The following G2E3 variants were observed in gnomAD, a reference collection of about 807,000 sequenced individuals.
G2E3 encodes G2/M phase-specific E3 ubiquitin-protein ligase.
A neutral mutation model predicts 92.8 loss-of-function variants in G2E3; 35 were observed. That is an observed-to-expected ratio of 0.38 (90% CI 0.29 to 0.50). The LOEUF (loss-of-function observed/expected upper bound fraction) is 0.50. Ranked by LOEUF, G2E3 falls within the 20% of genes least tolerant of loss-of-function variation. The pLI is 0.94. For synonymous variants in G2E3, 242 were observed against 272.4 expected (o/e 0.89, Z 1.10); for missense variants, 554 against 823.8 (o/e 0.67, Z 4.01).
At chr14:30,591,435 A>AT (rs2138849852) in intron 4 of G2E3, among the ~76,000 whole-genome samples, 1 of 152,316 alleles carries the variant, frequency 6.6e-6, no homozygotes, top group African/African-American at 2.4e-5. Context: ...TAGGGCTGCC[A>AT]TAGCAAATTG....
chr14:30,574,168 G>A (rs1470243455), intron 1 of G2E3, among the ~76,000 whole-genome samples: 9 of 152,054 alleles, frequency 5.9e-5, no homozygotes, highest in Admixed American at 2.6e-4. Context: ...TTGGAGAGTA[G>A]GTTGCATATA....
rs529230723 is a variant in G2E3 at position 30,569,741 on chromosome 14, A to AGG, written c.-5+10476_-5+10477dup. ...AGTCAGGGTTAGGACCAGCTGGTGA[A>AGG]GGGGGGGGATTATATTACTTACTAT... is the stretch of plus-strand genomic sequence containing the variant. On this transcript the variant is annotated intron_variant, in intron 1 of 14. Transcript: ENST00000206595. Among the ~76,000 whole-genome samples the AGG allele has an allele frequency of 9.0e-3, 1,361 of 151,838 alleles. 22 individuals are homozygous for AGG. Among genetic ancestry groups the AGG allele is most frequent in the African/African-American group, 0.03 (1,257 of 41,378 alleles).
intron 1 of G2E3, among the ~76,000 whole-genome samples, chr14:30,568,753 C>T (rs1030578190): frequency 2.6e-5 from 4 of 152,140 alleles, no homozygotes; most frequent in African/African-American, 4.8e-5. Flanking sequence ...TACATTTATA[C>T]ATAATGTGCC....
chr14:30,604,907 C>CATTCATTT (rs1555340574), intron 10 of G2E3, among the ~76,000 whole-genome samples: 4 of 135,784 alleles, frequency 2.9e-5, no homozygotes, highest in African/African-American at 1.1e-4. Context: ...TTCATTCATT[C>CATTCATTT]ATTTATGAGA....
intron 2 of G2E3, among the ~76,000 whole-genome samples, 177 bp downstream of exon 2, chr14:30,581,293 T>A (rs1479400058): frequency 2.6e-5 from 4 of 152,196 alleles, no homozygotes; most frequent in African/African-American, 9.6e-5. Flanking sequence ...GGCAATTTAT[T>A]TGCCAAATTT....
At chr14:30,583,600 A>G (rs1566534536) in intron 2 of G2E3, among the ~76,000 whole-genome samples, 1 of 152,240 alleles carries the variant, frequency 6.6e-6, no homozygotes, top group Non-Finnish European at 1.5e-5. Flanking sequence ...GTTGTACAAC[A>G]TGGTGACTAT....
intron 2 of G2E3, 36 bp downstream of exon 2, chr14:30,581,152 G>T (rs1408129018): frequency 8.6e-7 from 1 of 1,158,960 alleles, no homozygotes; most frequent in South Asian, 1.3e-5. Flanking sequence ...TTATTACAAT[G>T]AGTGTTTTAA....
At chr14:30,614,542 C>A (rs229243) in intron 13 of G2E3, among the ~76,000 whole-genome samples, 65,392 of 152,036 alleles carry the variant, frequency 0.43, 15,188 homozygotes, top group East Asian at 0.61. Flanking sequence ...TTGTGACCTA[C>A]TCACCTCTTA....
Position 30,593,659 on chromosome 14 carries a change from A to G in G2E3, c.528+20A>G. The G allele has an allele frequency of 6.5e-7, 1 of 1,547,136 alleles. No homozygotes were observed. The highest frequency in any genetic ancestry group is 8.9e-7 in the Non-Finnish European group (1 of 1,125,680). On this transcript the variant is annotated intron_variant, in intron 6 of 14. Transcript: ENST00000206595. ...TTACAGGTAAGATACATATTTTGTA[A>G]GCTTTCTCTGATTGATATAAAATTA...
intron 8 of G2E3, among the ~76,000 whole-genome samples, chr14:30,600,328 C>T (rs879137816): frequency 6.6e-6 from 1 of 152,092 alleles, no homozygotes; most frequent in Admixed American, 6.5e-5. Context: ...GTGCTTGTTA[C>T]AATATAGTTG....
intron 2 of G2E3, among the ~76,000 whole-genome samples, chr14:30,586,505 C>T (rs745320394): frequency 5.9e-5 from 9 of 152,066 alleles, no homozygotes; most frequent in African/African-American, 9.7e-5. Context: ...TTTAACTACA[C>T]AGTGAAATTC....
chr14:30,616,319 G>A lies in G2E3; in HGVS notation c.1906G>A (p.Ala636Thr), dbSNP rs45475495. 14,224 of 1,607,384 alleles carry A rather than the reference G, an allele frequency of 8.8e-3. 75 individuals carry two copies. The highest frequency in any genetic ancestry group is 0.03 in the Middle Eastern group (183 of 6,038). Residue 636 changes from alanine to threonine, a missense_variant, in exon 15 of 15, where the codon GCA becomes ACA. Transcript: ENST00000206595. ...TTTMEDILIF[A>T]TGCSSIPPAG... ...AACAATGGAAGACATTCTTATTTTT[G>A]CAACTGGTTGCAGTTCCATTCCTCC... is the stretch of plus-strand genomic sequence containing the variant.
chr14:30,570,943 C>T (rs73258119), intron 1 of G2E3, among the ~76,000 whole-genome samples: 2,551 of 152,206 alleles, frequency 0.017, 91 homozygotes, highest in African/African-American at 0.058. Flanking sequence ...ATTCTCTTAA[C>T]AGTGTCTTTT....
chr14:30,611,589 G>C (rs1453308771), intron 12 of G2E3: 1 of 151,892 alleles, frequency 6.6e-6, no homozygotes, highest in Non-Finnish European at 1.5e-5. Flanking sequence ...ATTCTCAGCT[G>C]TTACTCTTTT....
At chr14:30,578,552 G>A (rs1161840350) in intron 1 of G2E3, among the ~76,000 whole-genome samples, 1 of 152,182 alleles carries the variant, frequency 6.6e-6, no homozygotes, top group Non-Finnish European at 1.5e-5. Context: ...TTTTGGAGAA[G>A]GATAGCATTT....
At chr14:30,609,165 G>A (rs1194634480) in intron 12 of G2E3, among the ~76,000 whole-genome samples, 1 of 151,550 alleles carries the variant, frequency 6.6e-6, no homozygotes, top group Non-Finnish European at 1.5e-5. Context: ...TTTGCCCTAA[G>A]ACTGCTTATC....
At chr14:30,572,894 A>C (rs767224902) in intron 1 of G2E3, among the ~76,000 whole-genome samples, 1 of 152,116 alleles carries the variant, frequency 6.6e-6, no homozygotes, top group Non-Finnish European at 1.5e-5. Flanking sequence ...ACATGAAGGA[A>C]AGTCTAAACT....
rs11621771 is a variant in G2E3, at chr14:30,593,154, C to A, written c.363-320C>A. Among the ~76,000 whole-genome samples, 1,407 of 152,204 alleles carry A rather than the reference C, an allele frequency of 9.2e-3. 10 individuals carry two copies. The highest frequency in any genetic ancestry group is 0.048 in the Middle Eastern group (14 of 292). ...TAATTTTATACGATTTTGAGCACAACGTATGCACCCATTTGTTGAATACAA... is the reference window on the plus strand; with the variant it reads ...TAATTTTATACGATTTTGAGCACAAAGTATGCACCCATTTGTTGAATACAA... On this transcript the variant is annotated intron_variant, in intron 5 of 14. Coordinates refer to ENST00000206595, the MANE Select transcript of G2E3 (RefSeq NM_017769.5).
At chr14:30,580,995 A>G (rs1431848593) in intron 1 of G2E3, 81 bp from the exon 2 acceptor site, 1 of 777,674 alleles carries the variant, frequency 1.3e-6, no homozygotes, top group Non-Finnish European at 2.3e-6. Flanking sequence ...ATTTGTCATT[A>G]TGCATTGACT....
Sources: allele counts gnomAD v4.1 joint callset (sites outside exome capture counted in the v4.1 genomes callset), GRCh38; gene constraint gnomAD v4.1.1; transcripts MANE v1.5; gene names NCBI Gene and HGNC (gene_info 2026-07-23, HGNC 2026-07-21).